The following ZNF502 variants were observed in gnomAD, a reference collection of about 807,000 sequenced individuals.
ZNF502 encodes the protein zinc finger protein 502.
In ZNF502, 29 loss-of-function variants were observed where a neutral mutation model predicts 43.6. The ratio of observed to expected loss-of-function variants is 0.67; its 90% CI spans 0.50 to 0.91. ZNF502 has a LOEUF of 0.91. Among genes scored for constraint, ZNF502 ranks in the 40% least tolerant of loss-of-function variants. ZNF502 has a pLI of 0.00. For synonymous variants in ZNF502, 171 were observed against 207.4 expected, an observed-to-expected ratio of 0.82 and a Z score of 1.51; for missense variants, 591 against 647.2, an observed-to-expected ratio of 0.91 and a Z score of 0.94.
intron 1 of ZNF502, among the ~76,000 whole-genome samples, chr3:44,718,417 A>G (rs1704207472): frequency 6.6e-6 from 1 of 152,250 alleles, no homozygotes; most frequent in Non-Finnish European, 1.5e-5. Flanking sequence ...TCCTTAAAAC[A>G]GTGGATCTAA....
At position 44,721,854 on chromosome 3, in the gene ZNF502, G is replaced by A. The variant is rs746645703; in HGVS notation, c.1037G>A (p.Ser346Asn). The change falls in exon 3 of 3, where the codon AGT (serine) becomes AAT (asparagine). Residue 346 changes from serine to asparagine, a missense_variant. Transcript: ENST00000436624. ...ANLSQHQRIH[S>N]GEKPYKCKEC... ...CTCTCTCAGCATCAGAGAATTCATA[G>A]TGGAGAGAAACCCTATAAATGTAAA... 1 of 1,614,112 alleles carries A rather than the reference G, an allele frequency of 6.2e-7. No homozygotes were observed. The highest frequency in any genetic ancestry group is 8.5e-7 in the Non-Finnish European group (1 of 1,179,988).
chr3:44,719,289 C>T (rs899054408), intron 1 of ZNF502, among the ~76,000 whole-genome samples: 3 of 152,216 alleles, frequency 2.0e-5, no homozygotes, highest in Non-Finnish European at 4.4e-5. Flanking sequence ...CTTCTTAAAT[C>T]TTTAAAACTC....
intron 1 of ZNF502, among the ~76,000 whole-genome samples, chr3:44,718,382 G>A (rs1273091146): frequency 6.6e-6 from 1 of 152,170 alleles, no homozygotes; most frequent in Non-Finnish European, 1.5e-5. Flanking sequence ...CAGATTATCT[G>A]TTGCTGTAGA....
rs74375073 is a variant in ZNF502 at position 44,721,256 on chromosome 3, A to G, written c.439A>G (p.Thr147Ala). ...NDISDQSKCP[T>A]LCTQKKSWKC... is the part of the protein sequence containing the mutation. ...TATTTCAGACCAAAGTAAATGTCCA[A>G]CTCTCTGCACACAGAAAAAATCTTG... is the stretch of plus-strand genomic sequence containing the variant. The change falls in exon 3 of 3, where the codon ACT becomes GCT. Residue 147 changes from threonine (T) to alanine (A), a missense_variant. Coordinates refer to ENST00000436624, the MANE Select transcript of ZNF502 (RefSeq NM_001134442.3). 2,783 of 1,614,128 alleles carry G rather than the reference A, an allele frequency of 1.7e-3. 52 individuals are homozygous for G. In the African/African-American group the frequency reaches 0.033, roughly 19 times the overall value.
At chr3:44,714,301 A>C (rs573746796) in intron 1 of ZNF502, among the ~76,000 whole-genome samples, 1 of 152,310 alleles carries the variant, frequency 6.6e-6, no homozygotes, top group African/African-American at 2.4e-5. Context: ...TCTTTTTAGC[A>C]TCTTAAAATC....
rs931408937 is a variant in ZNF502 at position 44,721,156 on chromosome 3, C to A, written c.339C>A (p.Ser113Arg). The change falls in exon 3 of 3, where the codon AGC becomes AGA. Residue 113 changes from serine to arginine, a missense_variant. Physicochemically the swap from Ser to Arg is moderately radical, Grantham distance 110. Coordinates refer to ENST00000436624, the MANE Select transcript of ZNF502 (RefSeq NM_001134442.3). Reference protein sequence around the residue: ...NFEKSLLLTSSLVTRLRVSTE... With the variant: ...NFEKSLLLTSRLVTRLRVSTE... ...AGAAAAGCTTGCTTTTGACCTCAAG[C>A]CTTGTTACACGTCTCAGGGTTTCTA... The A allele has an allele frequency of 2.1e-5, 34 of 1,613,972 alleles. No individual in the cohort carries two copies. Among genetic ancestry groups the A allele is most frequent in the Non-Finnish European group, 2.7e-5 (32 of 1,180,040 alleles).
chr3:44,715,658 T>C (rs1704126356), intron 1 of ZNF502, among the ~76,000 whole-genome samples: 1 of 152,160 alleles, frequency 6.6e-6, no homozygotes, highest in African/African-American at 2.4e-5. Context: ...CAATTCATTA[T>C]TTTACCACAG....
intron 1 of ZNF502, among the ~76,000 whole-genome samples, chr3:44,715,412 C>T (rs1343201094): frequency 6.6e-6 from 1 of 152,148 alleles, no homozygotes; most frequent in Non-Finnish European, 1.5e-5. Context: ...GTACATAAAT[C>T]TCTGGCCATC....
At chr3:44,713,107 T>C (rs924438924) in intron 1 of ZNF502, among the ~76,000 whole-genome samples, 3 of 152,236 alleles carry the variant, frequency 2.0e-5, no homozygotes, top group Non-Finnish European at 4.4e-5. Flanking sequence ...GCTGATCCTG[T>C]AGCTCCGAAA....
In ZNF502 at chr3:44,722,252, A is replaced by G. The variant is rs1704375651; in HGVS notation, c.1435A>G (p.Thr479Ala). The change falls in exon 3 of 3, where the codon ACT (threonine) becomes GCT (alanine). Residue 479 changes from threonine to alanine, a missense_variant. By Grantham distance (58) the Thr-to-Ala change is moderately conservative (BLOSUM62 0). Coordinates refer to ENST00000436624, the MANE Select transcript of ZNF502 (RefSeq NM_001134442.3). ...AGCCTTTGCTCATAGCTCATCTCTT[A>G]CTGAACATCATAGAACTCACACTGG... The part of the protein sequence containing the change: ...GKAFAHSSSL[T>A]EHHRTHTGEK... The G allele has an allele frequency of 2.5e-6, 4 of 1,614,224 alleles. No individual in the cohort carries two copies. Among genetic ancestry groups the G allele is most frequent in the Non-Finnish European group, 3.4e-6 (4 of 1,180,042 alleles).
Position 44,722,269 on chromosome 3 carries a change from T to C in ZNF502, c.1452T>C (p.Thr484=). The C allele has an allele frequency of 6.2e-7, 1 of 1,614,198 alleles. No individual in the cohort carries two copies. Among genetic ancestry groups the C allele is most frequent in the Non-Finnish European group, 8.5e-7 (1 of 1,180,028 alleles). Residue 484 remains threonine, a synonymous_variant, in exon 3 of 3, where the codon ACT becomes ACC. Coordinates refer to ENST00000436624, the MANE Select transcript of ZNF502 (RefSeq NM_001134442.3). ...CATCTCTTACTGAACATCATAGAAC[T>C]CACACTGGTGAGAAGCTCTATAAAT... is the stretch of plus-strand genomic sequence containing the variant. The part of the protein sequence containing the change: ...HSSSLTEHHR[T]HTGEKLYKCS...
chr3:44,713,621 C>G (rs1037290533), intron 1 of ZNF502, among the ~76,000 whole-genome samples: 1 of 151,286 alleles, frequency 6.6e-6, no homozygotes, highest in Non-Finnish European at 1.5e-5. Flanking sequence ...ACTCTTGTTG[C>G]CCAGGCTGGA....
In ZNF502 at chr3:44,721,150, C is replaced by T. The variant is rs141551640; in HGVS notation, c.333C>T (p.Thr111=). Residue 111 remains threonine, a synonymous_variant, in exon 3 of 3, where the codon ACC becomes ACT. Coordinates refer to ENST00000436624, the MANE Select transcript of ZNF502 (RefSeq NM_001134442.3). ...ATTTTGAGAAAAGCTTGCTTTTGAC[C>T]TCAAGCCTTGTTACACGTCTCAGGG... ...GYNFEKSLLL[T]SSLVTRLRVS... 5.8e-5 allele frequency: 93 copies of T among 1,613,970 alleles called. No homozygotes were observed. The highest frequency in any genetic ancestry group is 7.1e-5 in the Non-Finnish European group (84 of 1,180,034).
rs367859859 is a variant in ZNF502, at chr3:44,721,562, C to T, written c.745C>T (p.Arg249Cys). Residue 249 changes from arginine to cysteine, a missense_variant, in exon 3 of 3, where the codon CGC becomes TGC. Transcript: ENST00000436624. ...ATGCAATGAATGTGGGAATTCCTTC[C>T]GCAATCACTCACATCTCACTGAACA... is the stretch of plus-strand genomic sequence containing the variant. ...YKCNECGNSF[R>C]NHSHLTEHQR... is the part of the protein sequence containing the mutation. 59 of 1,607,294 alleles carry T rather than the reference C, an allele frequency of 3.7e-5. No individual in the cohort carries two copies. The highest frequency in any genetic ancestry group is 6.7e-5 in the East Asian group (3 of 44,458).
rs745864710 is a variant in ZNF502, at chr3:44,720,962, G to T, written c.145G>T (p.Glu49Ter). The T allele has an allele frequency of 6.2e-7, 1 of 1,614,136 alleles. No homozygotes were observed. The change falls in exon 3 of 3, where the codon GAA (glutamate) becomes TAA (stop). Residue 49 changes from glutamate (E) to a stop codon, truncating the protein, a stop_gained. Transcript: ENST00000436624. LOFTEE classifies it high-confidence loss of function. ...GIVVKRFQED[E>*]YQDSTFEEKY... Reference sequence around the variant, plus strand: ...AGTAGTAAAGAGGTTCCAAGAGGATGAATACCAAGATTCTACATTTGAAGA... The same window carrying T: ...AGTAGTAAAGAGGTTCCAAGAGGATTAATACCAAGATTCTACATTTGAAGA...
At chr3:44,720,430 G>T in intron 2 of ZNF502, 114 bp downstream of exon 2, 2 of 1,033,344 alleles carry the variant, frequency 1.9e-6, no homozygotes, top group Non-Finnish European at 2.8e-6. Context: ...GTCTCTTATA[G>T]GGATGTTGGG....
intron 1 of ZNF502, among the ~76,000 whole-genome samples, chr3:44,715,291 A>G (rs1249425656): frequency 6.6e-6 from 1 of 152,104 alleles, no homozygotes; most frequent in Non-Finnish European, 1.5e-5. Flanking sequence ...ATATTTTCTC[A>G]TGAATATTCT....
chr3:44,721,487 T>A lies in ZNF502; in HGVS notation c.670T>A (p.Ser224Thr). 1 of 1,614,198 alleles carries A rather than the reference T, an allele frequency of 6.2e-7. No homozygotes were observed. Among genetic ancestry groups the A allele is most frequent in the Non-Finnish European group, 8.5e-7 (1 of 1,180,028 alleles). The change falls in exon 3 of 3, where the codon TCA (serine) becomes ACA (threonine). Residue 224 changes from serine (S) to threonine (T), a missense_variant. Ser to Thr is a moderately conservative substitution (Grantham distance 58, BLOSUM62 1). Coordinates refer to ENST00000436624, the MANE Select transcript of ZNF502 (RefSeq NM_001134442.3). ...EQCGKTFRCRSFLTQHQRIHT... is the reference protein window; with the variant it reads ...EQCGKTFRCRTFLTQHQRIHT... ...GTGTGGGAAAACATTTCGATGTCGA[T>A]CATTTCTTACTCAGCATCAAAGAAT...
rs776264838 is a variant in ZNF502, at chr3:44,721,167, G to A, written c.350G>A (p.Arg117His). 1.4e-5 allele frequency: 23 copies of A among 1,614,066 alleles called. No individual in the cohort carries two copies. The highest frequency in any genetic ancestry group is 6.7e-5 in the East Asian group (3 of 44,876). The change falls in exon 3 of 3, where the codon CGT becomes CAT. Residue 117 changes from arginine (R) to histidine (H), a missense_variant. Physicochemically the swap from Arg to His is conservative, Grantham distance 29 (BLOSUM62 0). Transcript: ENST00000436624. Reference protein sequence around the residue: ...SLLLTSSLVTRLRVSTEESLH... With the variant: ...SLLLTSSLVTHLRVSTEESLH... ...CTTTTGACCTCAAGCCTTGTTACAC[G>A]TCTCAGGGTTTCTACAGAAGAGAGT...
Sources: gnomAD v4.1 joint callset for allele counts (sites outside exome capture counted in the v4.1 genomes callset) on GRCh38, gnomAD v4.1.1 for gene constraint, MANE v1.5 for transcripts, NCBI Gene and HGNC (gene_info 2026-07-23, HGNC 2026-07-21) for gene names.